The following DISP1 variants were observed in gnomAD, a reference collection of about 807,000 sequenced individuals.
DISP1 encodes protein dispatched homolog 1.
A neutral mutation model predicts 37.3 loss-of-function variants in DISP1; 30 were observed. The observed-to-expected ratio is 0.80, with a 90% CI of 0.60 to 1.09. The LOEUF is 1.09. DISP1 is among the 50% of genes least tolerant of loss of function. The pLI, the probability that DISP1 is intolerant of heterozygous loss-of-function variation, is 0.00. For missense variants in DISP1, 1,598 were observed against 1,879.5 expected, an observed-to-expected ratio of 0.85 and a Z score of 2.77; for synonymous variants, 634 against 690.2, an observed-to-expected ratio of 0.92 and a Z score of 1.28.
At chr1:222,978,231 G>A (rs992554051) in intron 3 of DISP1, among the ~76,000 whole-genome samples, 203 of 152,256 alleles carry the variant, frequency 1.3e-3, no homozygotes, top group Non-Finnish European at 2.4e-3. Context: ...GTGTGAGATG[G>A]TATCTCGTTG....
At position 223,003,603 on chromosome 1, in the gene DISP1, G is replaced by A. The variant is rs1318692402; in HGVS notation, c.2206G>A (p.Val736Ile). The change falls in exon 9 of 9, where the codon GTA (valine) becomes ATA (isoleucine). Residue 736 changes from valine (V) to isoleucine (I), a missense_variant. Physicochemically the swap from Val to Ile is conservative, Grantham distance 29. Transcript: ENST00000675850. The surrounding 1 kb of genome is among the most constrained non-coding windows in gnomAD (Gnocchi z 4.3). Reference protein sequence around the residue: ...LALTVGGAYIVCINPKMKLPS... With the variant: ...LALTVGGAYIICINPKMKLPS... ...CTTAACTGTAGGTGGGGCCTACATT[G>A]TATGTATAAATCCAAAGATGAAACT... 6.8e-6 allele frequency: 11 copies of A among 1,614,194 alleles called. No individual in the cohort carries two copies. The highest frequency in any genetic ancestry group is 9.3e-6 in the Non-Finnish European group (11 of 1,180,046).
chr1:222,838,992 A>G (rs1268515611), intron 1 of DISP1, among the ~76,000 whole-genome samples: 3 of 152,180 alleles, frequency 2.0e-5, no homozygotes, highest in Non-Finnish European at 4.4e-5. Context: ...ACATTTAGCT[A>G]ATACTAAAAA....
At chr1:222,890,566 G>A (rs766822250) in intron 1 of DISP1, among the ~76,000 whole-genome samples, 21 of 152,098 alleles carry the variant, frequency 1.4e-4, no homozygotes, top group Non-Finnish European at 2.5e-4. Context: ...TGGGGGAATC[G>A]GGGAAGACTT....
rs560344101 is a variant in DISP1, at chr1:222,851,956, G to A, written c.-159+36878G>A. 2.4e-4 allele frequency among the ~76,000 whole-genome samples: 36 copies of A among 152,110 alleles called. No homozygotes were observed. The South Asian group carries it at 2.7e-3, about 11-fold the overall frequency. On this transcript the variant is annotated intron_variant, in intron 1 of 8. Coordinates refer to ENST00000675850, the MANE Select transcript of DISP1 (RefSeq NM_001377229.1). ...TCCCAGTACTTTGGGAGGCTGAGGC[G>A]GGCGAATCACCTGAGGTTGAGAGGT...
rs1327352358 is a variant in DISP1, at chr1:222,996,800, T to C, written c.987+1818T>C. On this transcript the variant is annotated intron_variant, in intron 8 of 8. Coordinates refer to ENST00000675850, the MANE Select transcript of DISP1 (RefSeq NM_001377229.1). ...CTTTACCCACCCTGCTTTATGCTTC[T>C]AGTGAGGAAGATACCTCCCCCGTTT... 3.3e-5 allele frequency among the ~76,000 whole-genome samples: 5 copies of C among 152,194 alleles called. No individual in the cohort carries two copies. In the East Asian group the frequency reaches 9.6e-4, roughly 29 times the overall value.
intron 1 of DISP1, among the ~76,000 whole-genome samples, chr1:222,867,758 A>G (rs1669278714): frequency 6.6e-6 from 1 of 152,206 alleles, no homozygotes; most frequent in South Asian, 2.1e-4. Context: ...TGTTGTAAAT[A>G]ATTGACTTCT....
At chr1:222,881,264 C>T (rs986806544) in intron 1 of DISP1, among the ~76,000 whole-genome samples, 9 of 152,094 alleles carry the variant, frequency 5.9e-5, no homozygotes, top group African/African-American at 1.9e-4. Flanking sequence ...GGCGCCATCT[C>T]GGCTCACCGC....
In DISP1 at chr1:223,005,911, T is replaced by C. The variant is rs1419156058; in HGVS notation, c.4514T>C (p.Val1505Ala). Reference sequence around the variant, plus strand: ...CAAATGCCAAACATGGAAGCCAATGTGCCTGCTGTATTAACACACTCGGAA... The same window carrying C: ...CAAATGCCAAACATGGAAGCCAATGCGCCTGCTGTATTAACACACTCGGAA... ...DCQMPNMEANVPAVLTHSELS... is the reference protein window; with the variant it reads ...DCQMPNMEANAPAVLTHSELS... Residue 1505 changes from valine to alanine, a missense_variant, in exon 9 of 9, where the codon GTG becomes GCG. Transcript: ENST00000675850. 6.2e-7 allele frequency: 1 copy of C among 1,614,194 alleles called. No homozygotes were observed. Among genetic ancestry groups the C allele is most frequent in the South Asian group, 1.1e-5 (1 of 91,082 alleles).
chr1:222,928,645 T>G (rs1673217879), intron 2 of DISP1, 75 bp downstream of exon 2: 1 of 152,260 alleles, frequency 6.6e-6, no homozygotes, highest in South Asian at 2.1e-4. Flanking sequence ...GGAGAATGTA[T>G]TTAAAAACTG....
Position 223,004,259 on chromosome 1 carries a change from G to T in DISP1, c.2862G>T (p.Glu954Asp). 1 of 1,614,130 alleles carries T rather than the reference G, an allele frequency of 6.2e-7. No individual in the cohort carries two copies. Among genetic ancestry groups the T allele is most frequent in the South Asian group, 1.1e-5 (1 of 91,082 alleles). Residue 954 changes from glutamate to aspartate, a missense_variant, in exon 9 of 9, where the codon GAG becomes GAT. Coordinates refer to ENST00000675850, the MANE Select transcript of DISP1 (RefSeq NM_001377229.1). This position sits in a 1 kb window ranked among gnomAD's most constrained non-coding sequence, Gnocchi z 4.9. The part of the protein sequence containing the change: ...YKEVDSWISS[E>D]LSSAPEGLSN... ...AGGTGGACTCGTGGATATCCAGTGA[G>T]CTGAGTTCGGCCCCTGAAGGCCTCA...
intron 1 of DISP1, 37 bp downstream of exon 1, chr1:222,815,115 C>T (rs1250872620): frequency 1.3e-5 from 2 of 152,176 alleles, no homozygotes; most frequent in Non-Finnish European, 2.9e-5. Flanking sequence ...GCACTTGTTT[C>T]CTCAGTGGAT....
chr1:222,863,908 T>C (rs779069695), intron 1 of DISP1, among the ~76,000 whole-genome samples: 1 of 152,160 alleles, frequency 6.6e-6, no homozygotes, highest in Non-Finnish European at 1.5e-5. Flanking sequence ...TTCCTGTACT[T>C]TTCCTTGTCC....
intron 1 of DISP1, among the ~76,000 whole-genome samples, chr1:222,902,141 TG>T (rs1230079970): frequency 6.6e-6 from 1 of 152,192 alleles, no homozygotes; most frequent in Non-Finnish European, 1.5e-5. Context: ...AAGGGTTTTT[TG>T]TGTCTCTATT....
chr1:223,002,399 C>T lies in DISP1; in HGVS notation c.1002C>T (p.Pro334=). Residue 334 remains proline (P), a synonymous_variant, in exon 9 of 9, where the codon CCC becomes CCT. Transcript: ENST00000675850. ...TATCTCTGCAGATCAGATCTCATCC[C>T]CAGTTTGGTGATCTCTGCCAGAGGA... ...NVDNSRIRSH[P]QFGDLCQRTT... 3 of 1,614,030 alleles carry T rather than the reference C, an allele frequency of 1.9e-6. No homozygotes were observed. The Admixed American group carries it at 5.0e-5, about 27-fold the overall frequency.
chr1:222,885,488 A>C (rs1475325362), intron 1 of DISP1, among the ~76,000 whole-genome samples: 1 of 128,842 alleles, frequency 7.8e-6, no homozygotes, highest in Admixed American at 8.0e-5. Context: ...TTTTTTTTTG[A>C]GACAAGATCT....
chr1:222,866,220 T>A (rs1669181863), intron 1 of DISP1, among the ~76,000 whole-genome samples: 1 of 152,212 alleles, frequency 6.6e-6, no homozygotes, highest in South Asian at 2.1e-4. Context: ...CCCTTTATCC[T>A]CACCCTCAGC....
intron 3 of DISP1, among the ~76,000 whole-genome samples, chr1:222,956,130 C>T (rs992007120): frequency 6.6e-6 from 1 of 152,196 alleles, no homozygotes; most frequent in Non-Finnish European, 1.5e-5. Context: ...TGTGGTCACT[C>T]AGGCCTGCCC....
intron 3 of DISP1, among the ~76,000 whole-genome samples, chr1:222,975,259 A>G (rs2102660252): frequency 6.6e-6 from 1 of 152,232 alleles, no homozygotes; most frequent in East Asian, 1.9e-4. Flanking sequence ...TCCTGGGCTC[A>G]AGCGATCCTC....
At chr1:222,997,023 CCT>C (rs1202076194) in intron 8 of DISP1, among the ~76,000 whole-genome samples, 1 of 150,124 alleles carries the variant, frequency 6.7e-6, no homozygotes, top group African/African-American at 2.5e-5. Flanking sequence ...TCTCATCTCT[CCT>C]CTCTCTCTGT....
Sources: gnomAD v4.1 joint callset for allele counts (sites outside exome capture counted in the v4.1 genomes callset) on GRCh38, gnomAD v4.1.1 for gene constraint, Gnocchi (gnomAD v3.1) non-coding constraint, MANE v1.5 for transcripts, NCBI Gene and HGNC (gene_info 2026-07-23, HGNC 2026-07-21) for gene names.